Variants in BMPR2 observed in about 807,000 individuals in gnomAD.
BMPR2 encodes bone morphogenetic protein receptor type 2.
Under a neutral mutation model 100.8 loss-of-function variants are expected in BMPR2, and 29 were observed. That is an observed-to-expected ratio of 0.29 (90% CI 0.21 to 0.39). The LOEUF (loss-of-function observed/expected upper bound fraction) is 0.39. Among genes scored for constraint, BMPR2 ranks in the 10% least tolerant of loss-of-function variants. BMPR2 has a pLI of 1.00. For synonymous variants in BMPR2, 382 were observed against 442.3 expected (o/e 0.86, Z 1.71); for missense variants, 1,011 against 1,274.5 (o/e 0.79, Z 3.15).
intron 1 of BMPR2, among the ~76,000 whole-genome samples, chr2:202,423,165 A>G (rs890806035): frequency 5.3e-5 from 8 of 152,224 alleles, no homozygotes; most frequent in Admixed American, 5.2e-4. Context: ...CTGGGATTAC[A>G]GGTGTGAGCC....
chr2:202,565,941 A>G lies in BMPR2; in HGVS notation c.*5995A>G, dbSNP rs888792602. On this transcript the variant is annotated 3_prime_UTR_variant, in exon 13 of 13. Transcript: ENST00000374580. The stretch of plus-strand genomic sequence containing the variant: ...TTAAAACTAGGCTCAAAATAAATCT[A>G]TCGTATCTTTAAAAGTCCAATTCTG... 6.6e-6 allele frequency: 1 copy of G among 152,170 alleles called. No homozygotes were observed. The allele number at this position is 152,170 out of a possible 1,614,324, so 9.4% of individuals were successfully genotyped here.
At chr2:202,384,928 C>T (rs867012152) in intron 1 of BMPR2, among the ~76,000 whole-genome samples, 1 of 150,914 alleles carries the variant, frequency 6.6e-6, no homozygotes, top group Non-Finnish European at 1.5e-5. Context: ...GATCTCACTT[C>T]CCCTTTCTCC....
At chr2:202,527,176 T>G (rs1188179160) in intron 7 of BMPR2, among the ~76,000 whole-genome samples, 1 of 152,182 alleles carries the variant, frequency 6.6e-6, no homozygotes, top group Non-Finnish European at 1.5e-5. Context: ...AATTTATGTT[T>G]TTTACCTGAT....
At chr2:202,489,896 C>T (rs1316248313) in intron 3 of BMPR2, among the ~76,000 whole-genome samples, 2 of 152,264 alleles carry the variant, frequency 1.3e-5, no homozygotes, top group East Asian at 3.9e-4. Context: ...ATCAGCAAGC[C>T]ACCCCTAAGC....
At chr2:202,487,986 A>G (rs1170652028) in intron 3 of BMPR2, among the ~76,000 whole-genome samples, 2 of 152,226 alleles carry the variant, frequency 1.3e-5, no homozygotes, top group Admixed American at 6.5e-5. Context: ...CTGGGATTGC[A>G]GGCGTGAGCC....
intron 3 of BMPR2, among the ~76,000 whole-genome samples, chr2:202,511,580 CT>C (rs57852584): frequency 0.099 from 14,923 of 151,232 alleles, 973 homozygotes; most frequent in South Asian, 0.25. Context: ...TTTTTATTTT[CT>C]TTTTTTTTAA....
intron 1 of BMPR2, among the ~76,000 whole-genome samples, chr2:202,382,051 T>G (rs989333012): frequency 2.0e-5 from 3 of 147,994 alleles, no homozygotes; most frequent in African/African-American, 7.7e-5. Context: ...TATCAGTTTT[T>G]GTTTTTGTTT....
At position 202,404,727 on chromosome 2, in the gene BMPR2, T is replaced by A. The variant is rs190415566; in HGVS notation, c.76+27177T>A. On this transcript the variant is annotated intron_variant, in intron 1 of 12. Coordinates refer to ENST00000374580, the MANE Select transcript of BMPR2 (RefSeq NM_001204.7). ...AAAGTTTGGGCTTCTACTAATCCCA[T>A]CACCCAAATAGTAAACATAGTACCC... 2.9e-3 allele frequency among the ~76,000 whole-genome samples: 443 copies of A among 152,314 alleles called. 2 individuals carry two copies. Among genetic ancestry groups the A allele is most frequent in the African/African-American group, 0.01 (428 of 41,586 alleles).
chr2:202,393,876 A>AGAGAGCGAGAGC (rs1194839507), intron 1 of BMPR2, among the ~76,000 whole-genome samples: 9 of 122,646 alleles, frequency 7.3e-5, no homozygotes, highest in African/African-American at 2.7e-4. Context: ...TAAGGTAATG[A>AGAGAGCGAGAGC]GAGAGCGAGA....
chr2:202,434,933 A>ATATATATATT (rs1483284948), intron 1 of BMPR2, among the ~76,000 whole-genome samples: 6 of 82,030 alleles, frequency 7.3e-5, no homozygotes, highest in Admixed American at 1.6e-4. Flanking sequence ...ATATATATAT[A>ATATATATATT]TATTTATTTA....
At chr2:202,518,697 A>G in intron 5 of BMPR2, 125 bp from the exon 6 acceptor site, 1 of 846,574 alleles carries the variant, frequency 1.2e-6, no homozygotes, top group Admixed American at 2.0e-5. Flanking sequence ...TAATTTCTTG[A>G]TAATGGAATA....
At chr2:202,487,490 A>T (rs1692802566) in intron 3 of BMPR2, among the ~76,000 whole-genome samples, 1 of 152,250 alleles carries the variant, frequency 6.6e-6, no homozygotes, top group Non-Finnish European at 1.5e-5. Flanking sequence ...ACAGTTAAAA[A>T]ATCAATAAGA....
intron 8 of BMPR2, among the ~76,000 whole-genome samples, chr2:202,531,313 C>T (rs898530407): frequency 6.6e-6 from 1 of 152,034 alleles, no homozygotes; most frequent in African/African-American, 2.4e-5. Flanking sequence ...GACAATTATC[C>T]TCATATACTG....
chr2:202,458,161 T>G (rs1692157844), intron 1 of BMPR2, among the ~76,000 whole-genome samples: 1 of 151,580 alleles, frequency 6.6e-6, no homozygotes, highest in African/African-American at 2.4e-5. Context: ...TTAAAAAATT[T>G]TTGAGCCAGG....
intron 3 of BMPR2, among the ~76,000 whole-genome samples, chr2:202,496,867 C>T (rs1201033695): frequency 2.6e-5 from 4 of 152,232 alleles, no homozygotes; most frequent in South Asian, 2.1e-4. Flanking sequence ...CTGGGCTGGC[C>T]GAGGCCGGAG....
At chr2:202,552,517 A>G (rs1240402049) in intron 10 of BMPR2, among the ~76,000 whole-genome samples, 199 bp from the exon 11 acceptor site, 1 of 152,252 alleles carries the variant, frequency 6.6e-6, no homozygotes, top group African/African-American at 2.4e-5. Context: ...CAAGGAGTTA[A>G]GGTAAATCTT....
chr2:202,403,765 T>C (rs972791611), intron 1 of BMPR2, among the ~76,000 whole-genome samples: 9 of 152,126 alleles, frequency 5.9e-5, no homozygotes, highest in African/African-American at 2.2e-4. Context: ...CCAGCACTTT[T>C]GGAGTCCAAG....
At position 202,442,811 on chromosome 2, in the gene BMPR2, G is replaced by A. The variant is rs577382191; in HGVS notation, c.77-21998G>A. On this transcript the variant is annotated intron_variant, in intron 1 of 12. Coordinates refer to ENST00000374580, the MANE Select transcript of BMPR2 (RefSeq NM_001204.7). ...AAGACTGAATAATATTCTCTTGTAT[G>A]TATATACCATATTTTGTTTATCTGT... 3.0e-4 allele frequency among the ~76,000 whole-genome samples: 45 copies of A among 150,840 alleles called. No homozygotes were observed. The South Asian group carries it at 6.6e-3, about 22-fold the overall frequency.
At chr2:202,487,154 C>T (rs527243138) in intron 3 of BMPR2, among the ~76,000 whole-genome samples, 1 of 152,202 alleles carries the variant, frequency 6.6e-6, no homozygotes, top group South Asian at 2.1e-4. Flanking sequence ...TTTACTTAAG[C>T]AAAGACACCT....
Sources: allele counts gnomAD v4.1 joint callset (sites outside exome capture counted in the v4.1 genomes callset), GRCh38; gene constraint gnomAD v4.1.1; transcripts MANE v1.5; gene names NCBI Gene and HGNC (gene_info 2026-07-23, HGNC 2026-07-21).